NPTN: variants seen among roughly 807,000 people sequenced by gnomAD.
NPTN encodes the protein neuroplastin.
NPTN carries 5 observed loss-of-function variants against 42.7 expected under a neutral mutation model. The ratio of observed to expected loss-of-function variants is 0.12; its 90% CI spans 0.06 to 0.25. The LOEUF (loss-of-function observed/expected upper bound fraction) is 0.25. Ranked by LOEUF, NPTN falls within the 10% of genes least tolerant of loss-of-function variation. The probability of loss-of-function intolerance (pLI) is 1.00; values close to 1 mark genes in which losing one functional copy is unlikely to be tolerated. For synonymous variants in NPTN, 180 were observed against 201.9 expected, an observed-to-expected ratio of 0.89 and a Z score of 0.92; for missense variants, 307 against 525.4, an observed-to-expected ratio of 0.58 and a Z score of 4.06.
chr15:73,567,703 AAGAC>A (rs1321337310), intron 6 of NPTN: 29 of 985,338 alleles, frequency 2.9e-5, no homozygotes, highest in Non-Finnish European at 3.4e-5. Context: ...GTTTGAGAGA[AAGAC>A]AGAAAGAGAC....
chr15:73,571,013 G>A (rs1895348002), intron 5 of NPTN, among the ~76,000 whole-genome samples: 2 of 152,214 alleles, frequency 1.3e-5, no homozygotes, highest in South Asian at 4.1e-4. Context: ...GGGCACAGAG[G>A]CTCATGCCTG....
At chr15:73,591,931 C>T in intron 3 of NPTN, 35 bp downstream of exon 3, 1 of 1,583,264 alleles carries the variant, frequency 6.3e-7, no homozygotes, top group Non-Finnish European at 8.6e-7. Flanking sequence ...GCCACACTCC[C>T]TCCCACCTTC....
intron 2 of NPTN, among the ~76,000 whole-genome samples, chr15:73,595,608 A>G (rs1368391264): frequency 6.6e-6 from 1 of 152,212 alleles, no homozygotes; most frequent in African/African-American, 2.4e-5. Context: ...TCCTCATCAA[A>G]GTAAGATTTT....
chr15:73,582,585 G>T (rs945360634), intron 4 of NPTN, among the ~76,000 whole-genome samples: 2 of 152,082 alleles, frequency 1.3e-5, no homozygotes, highest in Non-Finnish European at 2.9e-5. Context: ...CTCAACCCTG[G>T]CTGTACACCA....
At chr15:73,592,752 TTCC>T (rs1160180484) in intron 2 of NPTN, among the ~76,000 whole-genome samples, 2 of 152,206 alleles carry the variant, frequency 1.3e-5, no homozygotes, top group Non-Finnish European at 2.9e-5. Context: ...GCATCATCAG[TTCC>T]TCCTCTCCAG....
chr15:73,570,340 C>T lies in NPTN; in HGVS notation c.924G>A (p.Thr308=), dbSNP rs577403495. Residue 308 remains threonine (T), a synonymous_variant, in exon 6 of 9, where the codon ACG becomes ACA. Transcript: ENST00000345330. The surrounding 1 kb of genome is among the most constrained non-coding windows in gnomAD (Gnocchi z 4.0). ...TELNIVNLQI[T]EDPGEYECNA... is the part of the protein sequence containing the mutation. The stretch of plus-strand genomic sequence containing the variant: ...TACATTCATACTCGCCAGGGTCTTC[C>T]GTGATCTGCAGGTTCACAATGTTCA... 2.5e-5 allele frequency: 41 copies of T among 1,614,124 alleles called. No homozygotes were observed. The highest frequency in any genetic ancestry group is 2.0e-4 in the South Asian group (18 of 91,076).
In NPTN at chr15:73,580,457, TAC is replaced by T. The variant is rs1205691977; in HGVS notation, c.707-6664_707-6663del. 1.0e-4 allele frequency among the ~76,000 whole-genome samples: 14 copies of T among 135,064 alleles called. 1 individual carries two copies. In the South Asian group the frequency reaches 1.3e-3, roughly 12 times the overall value. The allele number at this position is 135,064 out of a possible 152,430, so 88.6% of individuals were successfully genotyped here. ...AATATATATAATATATATGTATATA[TAC>T]AAAATATATTTATATATACATAAAT... is the stretch of plus-strand genomic sequence containing the variant. On this transcript the variant is annotated intron_variant, in intron 4 of 8. Transcript: ENST00000345330.
chr15:73,576,513 G>C (rs1272002079), intron 4 of NPTN, among the ~76,000 whole-genome samples: 2 of 152,096 alleles, frequency 1.3e-5, no homozygotes, highest in African/African-American at 4.8e-5. Flanking sequence ...ATTTTTAGTA[G>C]AGATGGGGTT....
intron 1 of NPTN, among the ~76,000 whole-genome samples, chr15:73,609,313 G>A (rs1356246422): frequency 6.6e-6 from 1 of 152,192 alleles, no homozygotes; most frequent in African/African-American, 2.4e-5. Flanking sequence ...CGCTTGAGTA[G>A]AGTGTGTAAT....
At chr15:73,581,071 C>T (rs928092320) in intron 4 of NPTN, among the ~76,000 whole-genome samples, 2 of 152,162 alleles carry the variant, frequency 1.3e-5, no homozygotes, top group Admixed American at 1.3e-4. Context: ...GCTAAGGCTT[C>T]GACTCTGTCA....
In NPTN at chr15:73,612,543, G is replaced by A. The variant is rs149977842; in HGVS notation, c.92-15174C>T. Among the ~76,000 whole-genome samples the A allele has an allele frequency of 4.0e-3, 607 of 152,148 alleles. 3 individuals are homozygous for A. Among genetic ancestry groups the A allele is most frequent in the African/African-American group, 0.013 (560 of 41,500 alleles). ...AGCACTTTGGGAGGCCGAGGTGGGC[G>A]GATCACGAGGTCAGGAGATTGAGAC... On this transcript the variant is annotated intron_variant, in intron 1 of 8. Coordinates refer to ENST00000345330, the MANE Select transcript of NPTN (RefSeq NM_012428.4).
At position 73,569,215 on chromosome 15, in the gene NPTN, G is replaced by C; in HGVS notation, c.1114+935C>G. ...ATTTCTGTACGCCGGTCATGTTATAGGGTGGGGATGGGGAGCCAGCTGGGA... is the reference window on the plus strand; with the variant it reads ...ATTTCTGTACGCCGGTCATGTTATACGGTGGGGATGGGGAGCCAGCTGGGA... On this transcript the variant is annotated intron_variant, in intron 6 of 8. Coordinates refer to ENST00000345330, the MANE Select transcript of NPTN (RefSeq NM_012428.4). The surrounding 1 kb of genome is among the most constrained non-coding windows in gnomAD (Gnocchi z 4.1). The C allele has an allele frequency of 1.0e-6, 1 of 985,536 alleles. No homozygotes were observed. Among genetic ancestry groups the C allele is most frequent in the Non-Finnish European group, 1.2e-6 (1 of 830,020 alleles). The allele number at this position is 985,536 out of a possible 1,614,324, so 61.0% of individuals were successfully genotyped here. A position where few individuals can be genotyped will look rare whatever the true frequency, so the allele number is the denominator to read the frequency against.
At chr15:73,609,549 T>C (rs1897466147) in intron 1 of NPTN, among the ~76,000 whole-genome samples, 1 of 152,146 alleles carries the variant, frequency 6.6e-6, no homozygotes, top group Admixed American at 6.5e-5. Flanking sequence ...GAGAATCGCT[T>C]GAACCCAGGA....
chr15:73,591,983 G>T lies in NPTN; in HGVS notation c.594C>A (p.Ala198=). 1 of 1,613,112 alleles carries T rather than the reference G, an allele frequency of 6.2e-7. No individual in the cohort carries two copies. The highest frequency in any genetic ancestry group is 1.1e-5 in the South Asian group (1 of 90,916). ...GVELSATRKN[A]SNMEYRINKP... is the part of the protein sequence containing the mutation. The stretch of plus-strand genomic sequence containing the variant: ...ACTCTCACCTGTACTCCATGTTGCT[G>T]GCATTCTTACGAGTGGCACTCAGTT... Residue 198 remains alanine (A), a synonymous_variant, in exon 3 of 9, where the codon GCC becomes GCA. Coordinates refer to ENST00000345330, the MANE Select transcript of NPTN (RefSeq NM_012428.4).
chr15:73,622,777 C>T (rs114235158), intron 1 of NPTN, among the ~76,000 whole-genome samples: 8 of 152,196 alleles, frequency 5.3e-5, no homozygotes, highest in African/African-American at 1.9e-4. Flanking sequence ...ACAAGGCTGT[C>T]TTTTAAGTTC....
At chr15:73,609,524 G>T (rs900033728) in intron 1 of NPTN, among the ~76,000 whole-genome samples, 6 of 152,062 alleles carry the variant, frequency 3.9e-5, no homozygotes, top group Admixed American at 1.3e-4. Flanking sequence ...CCAGCTACTC[G>T]GGTGGCTGAG....
In NPTN at chr15:73,597,260, T is replaced by C; in HGVS notation, c.201A>G (p.Ala67=). 1 of 1,614,152 alleles carries C rather than the reference T, an allele frequency of 6.2e-7. No individual in the cohort carries two copies. The highest frequency in any genetic ancestry group is 8.5e-7 in the Non-Finnish European group (1 of 1,180,026). Residue 67 remains alanine (A), a synonymous_variant, in exon 2 of 9, where the codon GCA becomes GCG. Coordinates refer to ENST00000345330, the MANE Select transcript of NPTN (RefSeq NM_012428.4). This position sits in a 1 kb window ranked among gnomAD's most constrained non-coding sequence, Gnocchi z 6.3. The stretch of plus-strand genomic sequence containing the variant: ...TGAAAGACTCTGCCCGGTTGACTTC[T>C]GCGTACCACCACTGGATCTCTGGCG... ...SPTPEIQWWY[A]EVNRAESFRQ... is the part of the protein sequence containing the mutation.
intron 4 of NPTN, among the ~76,000 whole-genome samples, chr15:73,585,338 G>C (rs749103376): frequency 2.6e-5 from 4 of 152,086 alleles, no homozygotes; most frequent in Non-Finnish European, 4.4e-5. Context: ...AAAGATAACT[G>C]TCTCTTATCC....
chr15:73,591,864 T>C, intron 3 of NPTN, 102 bp downstream of exon 3: 1 of 1,129,736 alleles, frequency 8.9e-7, no homozygotes, highest in Non-Finnish European at 1.3e-6. Context: ...GAACCAAATA[T>C]ATCTCATGTC....
Sources: gnomAD v4.1 joint callset for allele counts (sites outside exome capture counted in the v4.1 genomes callset) on GRCh38, gnomAD v4.1.1 for gene constraint, Gnocchi (gnomAD v3.1) non-coding constraint, MANE v1.5 for transcripts, NCBI Gene and HGNC (gene_info 2026-07-23, HGNC 2026-07-21) for gene names.